The following NYAP2 variants were observed in gnomAD, a reference collection of about 807,000 sequenced individuals.
The protein encoded by NYAP2 is neuronal tyrosine-phosphorylated phosphoinositide-3-kinase adapter 2.
NYAP2 carries 23 observed loss-of-function variants against 50.4 expected under a neutral mutation model. The ratio of observed to expected loss-of-function variants is 0.46; its 90% CI spans 0.33 to 0.65. The LOEUF (loss-of-function observed/expected upper bound fraction) is 0.65, where lower values mean the gene tolerates loss of function less well. Ranked by LOEUF, NYAP2 falls within the 30% of genes least tolerant of loss-of-function variation. The probability of loss-of-function intolerance (pLI) is 0.02; values close to 1 mark genes in which losing one functional copy is unlikely to be tolerated. For missense variants in NYAP2, 885 were observed against 861.0 expected (o/e 1.03, Z -0.35); for synonymous variants, 394 against 365.2 (o/e 1.08, Z -0.90).
chr2:225,506,359 T>G (rs1574648805), intron 3 of NYAP2, among the ~76,000 whole-genome samples: 1 of 150,982 alleles, frequency 6.6e-6, no homozygotes, highest in African/African-American at 2.5e-5. Flanking sequence ...ATATGATGAA[T>G]TGTATGACAA....
chr2:225,502,358 A>G (rs1224205417), intron 3 of NYAP2, among the ~76,000 whole-genome samples: 1 of 152,224 alleles, frequency 6.6e-6, no homozygotes, highest in Non-Finnish European at 1.5e-5. Flanking sequence ...TTTCTCCTTC[A>G]TCATAAATTG....
chr2:225,675,690 CCTATT>C, the NYAP2 span, among the ~76,000 whole-genome samples: 1 of 152,042 alleles, frequency 6.6e-6, no homozygotes, highest in Non-Finnish European at 1.5e-5. Context: ...AGTTGGTACT[CCTATT>C]ATAAGTTCTT....
intron 5 of NYAP2, among the ~76,000 whole-genome samples, chr2:225,616,275 G>C (rs1474830605): frequency 6.6e-6 from 1 of 152,146 alleles, no homozygotes; most frequent in Non-Finnish European, 1.5e-5. Context: ...TGACATAGCT[G>C]ACCCCAAATA....
chr2:225,567,674 G>C (rs1691985330), intron 4 of NYAP2, among the ~76,000 whole-genome samples: 1 of 152,048 alleles, frequency 6.6e-6, no homozygotes, highest in Non-Finnish European at 1.5e-5. Context: ...TGATGTTTGA[G>C]CTGGACCTGA....
chr2:225,554,367 C>T (rs1439496847), intron 4 of NYAP2, among the ~76,000 whole-genome samples: 2 of 149,486 alleles, frequency 1.3e-5, no homozygotes, highest in Non-Finnish European at 3.0e-5. Context: ...GTCACCCAAG[C>T]TGGAGTGCAA....
At chr2:225,661,471 T>G in the NYAP2 span, among the ~76,000 whole-genome samples, 3 of 152,346 alleles carry the variant, frequency 2.0e-5, no homozygotes, top group Non-Finnish European at 4.4e-5. Flanking sequence ...GAGCTTCTTA[T>G]GTGTTTGCCA....
chr2:225,413,967 A>T (rs1402414012), intron 3 of NYAP2, among the ~76,000 whole-genome samples: 2 of 152,210 alleles, frequency 1.3e-5, no homozygotes, highest in African/African-American at 2.4e-5. Context: ...TGCTTAAAAA[A>T]TGGAAATAGG....
chr2:225,548,975 G>A (rs1198274585), intron 4 of NYAP2, among the ~76,000 whole-genome samples: 1 of 151,446 alleles, frequency 6.6e-6, no homozygotes, highest in Non-Finnish European at 1.5e-5. Flanking sequence ...TCTACCTCCT[G>A]GGTCAAGCGA....
intron 4 of NYAP2, among the ~76,000 whole-genome samples, chr2:225,516,169 T>A (rs1690930700): frequency 6.6e-6 from 1 of 152,132 alleles, no homozygotes; most frequent in Non-Finnish European, 1.5e-5. Context: ...GGATTCCCAT[T>A]CATTTGGGAT....
chr2:225,530,502 C>T (rs879356134), intron 4 of NYAP2, among the ~76,000 whole-genome samples: 10 of 152,180 alleles, frequency 6.6e-5, no homozygotes, highest in Non-Finnish European at 1.2e-4. Flanking sequence ...TCCTAAATCC[C>T]ATGCTCCTTG....
At chr2:225,512,095 G>A (rs1053285022) in intron 3 of NYAP2, among the ~76,000 whole-genome samples, 1 of 152,124 alleles carries the variant, frequency 6.6e-6, no homozygotes, top group Non-Finnish European at 1.5e-5. Flanking sequence ...TCACATTTGT[G>A]TCCCTTCTTT....
At chr2:225,692,143 T>C in the NYAP2 span, among the ~76,000 whole-genome samples, 4 of 152,168 alleles carry the variant, frequency 2.6e-5, no homozygotes, top group Non-Finnish European at 4.4e-5. Flanking sequence ...TGATAAATTA[T>C]TGTTTTTCAC....
intron 3 of NYAP2, among the ~76,000 whole-genome samples, chr2:225,486,300 A>G (rs1051113921): frequency 2.0e-5 from 3 of 152,204 alleles, no homozygotes; most frequent in Admixed American, 2.0e-4. Flanking sequence ...CAGCACTCCT[A>G]TGCTCCTGGC....
chr2:225,693,452 G>A, the NYAP2 span, among the ~76,000 whole-genome samples: 33 of 152,100 alleles, frequency 2.2e-4, no homozygotes, highest in Middle Eastern at 6.8e-3. Flanking sequence ...ACGGTTGATC[G>A]CCTGTTGGGG....
chr2:225,582,841 C>T lies in NYAP2; in HGVS notation c.1424C>T (p.Ser475Leu), dbSNP rs1258832971. 6.2e-7 allele frequency: 1 copy of T among 1,613,880 alleles called. No homozygotes were observed. Residue 475 changes from serine to leucine, a missense_variant, in exon 5 of 7, where the codon TCG becomes TTG. By Grantham distance (145) the Ser-to-Leu change is moderately radical (BLOSUM62 -2). Transcript: ENST00000636099. The surrounding 1 kb of genome is among the most constrained non-coding windows in gnomAD (Gnocchi z 7.0). ...AGGAGCTCTCCTTCAGTGCCTCACT[C>T]GACCCCCAGACCCGTGTCGCAAGAT...
intron 6 of NYAP2, among the ~76,000 whole-genome samples, chr2:225,629,343 T>C (rs1206215470): frequency 2.0e-5 from 3 of 152,192 alleles, no homozygotes; most frequent in Admixed American, 2.0e-4. Flanking sequence ...GGTGATTTTC[T>C]TTACTTAGAC....
At chr2:225,477,035 GA>G (rs1044392105) in intron 3 of NYAP2, among the ~76,000 whole-genome samples, 3 of 151,556 alleles carry the variant, frequency 2.0e-5, no homozygotes, top group Admixed American at 6.6e-5. Flanking sequence ...AAGGGAATAT[GA>G]AAAAAAATTA....
chr2:225,602,796 T>C (rs1256481815), intron 5 of NYAP2, among the ~76,000 whole-genome samples: 2 of 152,186 alleles, frequency 1.3e-5, no homozygotes, highest in Non-Finnish European at 2.9e-5. Flanking sequence ...TGGGCTATTT[T>C]ATTCCATTGG....
At chr2:225,493,972 G>C (rs1237144011) in intron 3 of NYAP2, among the ~76,000 whole-genome samples, 2 of 152,144 alleles carry the variant, frequency 1.3e-5, no homozygotes, top group Admixed American at 6.5e-5. Context: ...TTCTTACAAT[G>C]ACCATGAGTC....
Sources: gnomAD v4.1 joint callset for allele counts (sites outside exome capture counted in the v4.1 genomes callset) on GRCh38, gnomAD v4.1.1 for gene constraint, Gnocchi (gnomAD v3.1) non-coding constraint, MANE v1.5 for transcripts, NCBI Gene and HGNC (gene_info 2026-07-23, HGNC 2026-07-21) for gene names.